The following TPRG1 variants were observed in gnomAD, a reference collection of about 807,000 sequenced individuals.
The protein encoded by TPRG1 is tumor protein p63-regulated gene 1 protein.
In TPRG1, 29 loss-of-function variants were observed where a neutral mutation model predicts 29.3. The ratio of observed to expected loss-of-function variants is 0.99; its 90% CI spans 0.74 to 1.35. The LOEUF (loss-of-function observed/expected upper bound fraction) is 1.35. Among genes scored for constraint, TPRG1 ranks in the 40% most tolerant of loss-of-function variants. The probability of loss-of-function intolerance (pLI) is 0.00; values close to 1 mark genes in which losing one functional copy is unlikely to be tolerated. For synonymous variants in TPRG1, 130 were observed against 116.8 expected (o/e 1.11, Z -0.73); for missense variants, 327 against 335.0 (o/e 0.98, Z 0.19).
chr3:189,238,436 T>C (rs1228753965), intron 3 of TPRG1, among the ~76,000 whole-genome samples: 3 of 152,206 alleles, frequency 2.0e-5, no homozygotes, highest in African/African-American at 7.2e-5. Context: ...TATGAGTCAG[T>C]TGACTGCTAA....
chr3:189,102,956 A>G (rs1439982035), intron 1 of TPRG1, among the ~76,000 whole-genome samples: 1 of 152,126 alleles, frequency 6.6e-6, no homozygotes, highest in Non-Finnish European at 1.5e-5. Flanking sequence ...ACTTCCTCTT[A>G]AACTTGTCTC....
At chr3:189,041,071 C>T (rs979442500) in intron 4 of TPRG1, among the ~76,000 whole-genome samples, 3 of 152,194 alleles carry the variant, frequency 2.0e-5, no homozygotes, top group Admixed American at 6.5e-5. Context: ...GATAACATCA[C>T]AGCTCTAGAT....
intron 4 of TPRG1, among the ~76,000 whole-genome samples, chr3:189,296,898 C>A (rs1412780800): frequency 1.3e-5 from 2 of 152,158 alleles, no homozygotes; most frequent in African/African-American, 4.8e-5. Flanking sequence ...AGTATTATAA[C>A]TCCACTAAAT....
intron 4 of TPRG1, among the ~76,000 whole-genome samples, chr3:189,055,038 C>G (rs991041559): frequency 6.6e-5 from 10 of 152,156 alleles, no homozygotes; most frequent in African/African-American, 2.4e-4. Context: ...TACAGTTTTT[C>G]TCTAACTAAA....
intron 5 of TPRG1, among the ~76,000 whole-genome samples, chr3:189,158,581 C>T (rs1727012045): frequency 1.3e-5 from 2 of 152,040 alleles, no homozygotes; most frequent in Admixed American, 6.5e-5. Flanking sequence ...TGCACTCCAG[C>T]CTGGGCGACA....
chr3:189,029,524 G>T (rs1276594313), intron 4 of TPRG1, among the ~76,000 whole-genome samples: 3 of 152,112 alleles, frequency 2.0e-5, no homozygotes, highest in African/African-American at 7.2e-5. Context: ...TAATTAATGG[G>T]TTAATGATTT....
At position 189,071,071 on chromosome 3, in the gene TPRG1, A is replaced by G. The variant is rs867609698; in HGVS notation, c.-463+47125A>G. Among the ~76,000 whole-genome samples the G allele has an allele frequency of 9.1e-3, 1,366 of 150,564 alleles. 19 individuals are homozygous for G. Among genetic ancestry groups the G allele is most frequent in the African/African-American group, 0.031 (1,264 of 40,166 alleles). On this transcript the variant is annotated intron_variant, in intron 4 of 10. Transcript: ENST00000433971. Reference sequence around the variant, plus strand: ...AAACTAAAAGCCAAAGAAAAAGAAAAAAAAAAAAAAAAAAGGAATGCCTTA... The same window carrying G: ...AAACTAAAAGCCAAAGAAAAAGAAAGAAAAAAAAAAAAAAGGAATGCCTTA...
At chr3:189,009,184 G>A (rs911463232) in intron 3 of TPRG1, among the ~76,000 whole-genome samples, 2 of 152,060 alleles carry the variant, frequency 1.3e-5, no homozygotes, top group Admixed American at 1.3e-4. Flanking sequence ...GTGGCCCACC[G>A]GCTGGCTATG....
At chr3:189,234,944 T>G (rs886490979) in intron 3 of TPRG1, among the ~76,000 whole-genome samples, 3 of 151,782 alleles carry the variant, frequency 2.0e-5, no homozygotes, top group Non-Finnish European at 4.4e-5. Flanking sequence ...TCTGTCAGAG[T>G]TAACTAGGTG....
chr3:189,260,128 C>T (rs892983690), intron 4 of TPRG1, among the ~76,000 whole-genome samples: 9 of 152,160 alleles, frequency 5.9e-5, no homozygotes, highest in East Asian at 1.9e-4. Context: ...ACAATCCATG[C>T]GTCGGTCTTC....
intron 1 of TPRG1, among the ~76,000 whole-genome samples, chr3:189,113,794 G>T (rs1720841542): frequency 6.6e-6 from 1 of 152,048 alleles, no homozygotes; most frequent in Non-Finnish European, 1.5e-5. Flanking sequence ...GGGACGGATA[G>T]CTTTAGGAGA....
intron 1 of TPRG1, among the ~76,000 whole-genome samples, chr3:189,190,136 C>T (rs1731483690): frequency 6.6e-6 from 1 of 152,176 alleles, no homozygotes; most frequent in Non-Finnish European, 1.5e-5. Context: ...GTGAACTAAC[C>T]CACTTCTGGT....
At chr3:189,127,966 G>T (rs1317496253) in intron 2 of TPRG1, among the ~76,000 whole-genome samples, 2 of 152,084 alleles carry the variant, frequency 1.3e-5, no homozygotes, top group African/African-American at 2.4e-5. Context: ...CTCACTACAG[G>T]TCCCAAGAGG....
chr3:189,188,983 C>G (rs1731319676), intron 1 of TPRG1, among the ~76,000 whole-genome samples: 1 of 152,086 alleles, frequency 6.6e-6, no homozygotes, highest in Non-Finnish European at 1.5e-5. Context: ...ATTTCGTTTA[C>G]AAAATAAAAT....
chr3:189,054,303 T>G (rs1715516872), intron 4 of TPRG1, among the ~76,000 whole-genome samples: 1 of 152,020 alleles, frequency 6.6e-6, no homozygotes, highest in African/African-American at 2.4e-5. Flanking sequence ...ATTTGCCATT[T>G]TATAAGACCA....
At chr3:189,210,739 A>G (rs575772630) in intron 2 of TPRG1, among the ~76,000 whole-genome samples, 2 of 152,350 alleles carry the variant, frequency 1.3e-5, no homozygotes, top group East Asian at 1.9e-4. Context: ...CGCTTGCTCA[A>G]TGTCACGGTA....
At chr3:189,209,291 C>T (rs1326116965) in intron 2 of TPRG1, among the ~76,000 whole-genome samples, 2 of 152,176 alleles carry the variant, frequency 1.3e-5, no homozygotes, top group Non-Finnish European at 2.9e-5. Flanking sequence ...TGCATGGTGA[C>T]CTGCACTGAT....
chr3:189,027,831 A>G (rs1713740277), intron 4 of TPRG1, among the ~76,000 whole-genome samples: 1 of 152,172 alleles, frequency 6.6e-6, no homozygotes, highest in Non-Finnish European at 1.5e-5. Context: ...TGGAAGGCTT[A>G]AAAGCAATAG....
chr3:189,271,272 G>C (rs1320407060), intron 4 of TPRG1, among the ~76,000 whole-genome samples: 1 of 152,192 alleles, frequency 6.6e-6, no homozygotes, highest in Non-Finnish European at 1.5e-5. Flanking sequence ...CAAAGGTAGA[G>C]AAACAGCCCA....
Sources: allele counts gnomAD v4.1 joint callset (sites outside exome capture counted in the v4.1 genomes callset), GRCh38; gene constraint gnomAD v4.1.1; transcripts MANE v1.5; gene names NCBI Gene and HGNC (gene_info 2026-07-23, HGNC 2026-07-21).